ZNF487: variants seen among roughly 807,000 people sequenced by gnomAD.
The protein encoded by ZNF487 is zinc finger protein 487.
ZNF487 carries 4 observed loss-of-function variants against 3.0 expected under a neutral mutation model. The observed-to-expected ratio is 1.35, with a 90% CI of 0.66 to 3.08. ZNF487 has a LOEUF of 3.08. Among genes scored for constraint, ZNF487 ranks in the 30% most tolerant of loss-of-function variants. The probability of loss-of-function intolerance (pLI) is 0.01; values close to 1 mark genes in which losing one functional copy is unlikely to be tolerated. For missense variants in ZNF487, 146 were observed against 98.7 expected (o/e 1.48, Z -2.03); for synonymous variants, 55 against 34.6 (o/e 1.59, Z -2.06).
downstream of ZNF487, among the ~76,000 whole-genome samples, chr10:43,486,343 A>G (rs932288937): frequency 4.6e-5 from 7 of 152,258 alleles, no homozygotes; most frequent in Admixed American, 3.3e-4. Context: ...CCTGACCAAC[A>G]TGGAAAAACT....
intron 1 of ZNF487, among the ~76,000 whole-genome samples, chr10:43,442,265 CAACA>C (rs1187221792): frequency 1.5e-4 from 22 of 142,614 alleles, no homozygotes; most frequent in African/African-American, 5.7e-4. Context: ...ACAACAACAA[CAACA>C]AAAAAAAAAC....
At chr10:43,496,092 C>A in the ZNF487 span, 1 of 534,046 alleles carries the variant, frequency 1.9e-6, no homozygotes, top group Admixed American at 1.9e-5. Context: ...ATTGAGAGGA[C>A]CCTGTACATG....
At chr10:43,464,127 T>A (rs1840550952) in intron 1 of ZNF487, among the ~76,000 whole-genome samples, 2 of 151,954 alleles carry the variant, frequency 1.3e-5, no homozygotes, top group South Asian at 4.1e-4. Flanking sequence ...AGGCCTAAAT[T>A]AGGCCTCTTG....
At chr10:43,455,986 A>G (rs759667321) in intron 1 of ZNF487, among the ~76,000 whole-genome samples, 3 of 152,232 alleles carry the variant, frequency 2.0e-5, no homozygotes, top group Non-Finnish European at 4.4e-5. Context: ...GCGGAAGTCC[A>G]GCGTTGCATG....
chr10:43,509,044 A>G, the ZNF487 span, among the ~76,000 whole-genome samples: 1 of 150,860 alleles, frequency 6.6e-6, no homozygotes, highest in Non-Finnish European at 1.5e-5. Flanking sequence ...AAATACAAAA[A>G]TTAGCTAGGC....
In ZNF487 at chr10:43,450,100, A is replaced by G. The variant is rs559417878; in HGVS notation, c.-94+12838A>G. 2.1e-3 allele frequency among the ~76,000 whole-genome samples: 313 copies of G among 151,484 alleles called. 5 individuals are homozygous for G. The highest frequency in any genetic ancestry group is 7.0e-3 in the Middle Eastern group (2 of 286). The stretch of plus-strand genomic sequence containing the variant: ...CTCTTTTTGCCCGGGCTGGAGTGCA[A>G]TGGCACGTTCTTGGCTCACTGCAAC... On this transcript the variant is annotated intron_variant, in intron 1 of 3. Coordinates refer to ENST00000437590, the MANE Select transcript of ZNF487 (RefSeq NM_001355444.3).
At chr10:43,511,229 G>A in the ZNF487 span, among the ~76,000 whole-genome samples, 203 of 152,304 alleles carry the variant, frequency 1.3e-3, no homozygotes, top group African/African-American at 3.9e-3. Flanking sequence ...ACTTCAAAAG[G>A]CCATTCCACT....
the ZNF487 span, among the ~76,000 whole-genome samples, chr10:43,498,847 C>T: frequency 6.6e-6 from 1 of 150,686 alleles, no homozygotes; most frequent in African/African-American, 2.4e-5. Context: ...GAGGTTGAGG[C>T]AGGAGAATGG....
chr10:43,458,063 A>AC (rs906955200), intron 1 of ZNF487: 1 of 151,590 alleles, frequency 6.6e-6, no homozygotes, highest in African/African-American at 2.4e-5. Context: ...AAAACAAAAA[A>AC]AAAGAGTTAC....
At chr10:43,515,632 T>C in the ZNF487 span, among the ~76,000 whole-genome samples, 1 of 152,216 alleles carries the variant, frequency 6.6e-6, no homozygotes, top group African/African-American at 2.4e-5. Context: ...TTGTTGCATG[T>C]CAGCCACTCT....
the ZNF487 span, among the ~76,000 whole-genome samples, chr10:43,503,779 G>A: frequency 6.6e-6 from 1 of 151,954 alleles, no homozygotes; most frequent in Admixed American, 6.6e-5. Flanking sequence ...ACTAATTTTT[G>A]TATTTTTCTG....
chr10:43,490,972 C>A, the ZNF487 span, among the ~76,000 whole-genome samples: 3 of 90,954 alleles, frequency 3.3e-5, no homozygotes, highest in African/African-American at 9.5e-5. Context: ...CCATGCCTGG[C>A]CTTTTTTTTT....
At chr10:43,500,446 AC>A in the ZNF487 span, among the ~76,000 whole-genome samples, 1 of 151,612 alleles carries the variant, frequency 6.6e-6, no homozygotes. Context: ...ACAAAAAACA[AC>A]CCCCCACCCC....
chr10:43,513,130 G>A, the ZNF487 span, among the ~76,000 whole-genome samples: 1 of 152,200 alleles, frequency 6.6e-6, no homozygotes, highest in Non-Finnish European at 1.5e-5. Flanking sequence ...TTGCGGCAGC[G>A]AAAAGTGATC....
chr10:43,477,982 A>G (rs1455008071), intron 3 of ZNF487, among the ~76,000 whole-genome samples: 1 of 152,050 alleles, frequency 6.6e-6, no homozygotes, highest in Non-Finnish European at 1.5e-5. Flanking sequence ...AAAAGTGGGG[A>G]AAGGCAGGTA....
the ZNF487 span, among the ~76,000 whole-genome samples, chr10:43,495,388 T>C: frequency 0.16 from 24,475 of 151,876 alleles, 3,288 homozygotes; most frequent in African/African-American, 0.37. Context: ...GGATTACAGG[T>C]GTATGCCGCC....
intron 1 of ZNF487, among the ~76,000 whole-genome samples, chr10:43,445,187 C>T (rs1368427982): frequency 6.6e-6 from 1 of 150,722 alleles, no homozygotes; most frequent in Non-Finnish European, 1.5e-5. Flanking sequence ...CGAGATCTTA[C>T]TAGGTTGTGC....
chr10:43,458,600 AC>A (rs1161048479), intron 1 of ZNF487, among the ~76,000 whole-genome samples: 1 of 150,490 alleles, frequency 6.6e-6, no homozygotes, highest in African/African-American at 2.4e-5. Context: ...CCCCTTAAAA[AC>A]AAAAAACAAA....
the ZNF487 span, among the ~76,000 whole-genome samples, chr10:43,494,127 T>G: frequency 1.3e-5 from 2 of 151,986 alleles, no homozygotes; most frequent in Non-Finnish European, 2.9e-5. Flanking sequence ...CCATGTCTTG[T>G]GATTTGTAGT....
Sources: gnomAD v4.1 joint callset for allele counts (sites outside exome capture counted in the v4.1 genomes callset) on GRCh38, gnomAD v4.1.1 for gene constraint, MANE v1.5 for transcripts, NCBI Gene and HGNC (gene_info 2026-07-23, HGNC 2026-07-21) for gene names.